Variants in NOX4 observed in about 807,000 individuals in gnomAD.
NOX4 encodes kidney oxidase-1.
In NOX4, 69 loss-of-function variants were observed where a neutral mutation model predicts 87.6. The observed-to-expected ratio is 0.79, with a 90% CI of 0.65 to 0.96. The LOEUF (loss-of-function observed/expected upper bound fraction) is 0.96. Ranked by LOEUF, NOX4 falls within the 40% of genes least tolerant of loss-of-function variation. The probability of loss-of-function intolerance (pLI) is 0.00; values close to 1 mark genes in which losing one functional copy is unlikely to be tolerated. For missense variants in NOX4, 680 were observed against 681.5 expected (o/e 1.00, Z 0.02); for synonymous variants, 275 against 238.2 (o/e 1.15, Z -1.42).
intron 8 of NOX4, among the ~76,000 whole-genome samples, chr11:89,407,539 C>T (rs2135210750): frequency 6.6e-6 from 1 of 152,130 alleles, no homozygotes; most frequent in Admixed American, 6.6e-5. Flanking sequence ...AGGATCTTAA[C>T]ATGTGCTATC....
At chr11:89,351,977 A>G (rs80003878) in intron 13 of NOX4, among the ~76,000 whole-genome samples, 11,161 of 152,210 alleles carry the variant, frequency 0.073, 609 homozygotes, top group Admixed American at 0.14. Context: ...AAAACTGGAG[A>G]CCATTACCCT....
intron 2 of NOX4, among the ~76,000 whole-genome samples, chr11:89,466,602 T>A (rs1945707117): frequency 6.6e-6 from 1 of 152,220 alleles, no homozygotes; most frequent in Admixed American, 6.5e-5. Flanking sequence ...AATCGGCACA[T>A]ATTTTGGGAC....
the NOX4 span, among the ~76,000 whole-genome samples, chr11:89,511,615 C>T: frequency 1.3e-5 from 2 of 151,906 alleles, no homozygotes; most frequent in African/African-American, 4.8e-5. Context: ...AATATCTGTG[C>T]GTCAGAAATA....
At chr11:89,569,264 T>C in the NOX4 span, among the ~76,000 whole-genome samples, 1 of 149,376 alleles carries the variant, frequency 6.7e-6, no homozygotes, top group Non-Finnish European at 1.5e-5. Context: ...ACAGAGTAAA[T>C]TGAAAGAAAC....
rs1461101194 is a variant in NOX4 at position 89,417,109 on chromosome 11, G to A, written c.629+4793C>T. 3.9e-5 allele frequency among the ~76,000 whole-genome samples: 6 copies of A among 152,248 alleles called. No individual in the cohort carries two copies. The East Asian group carries it at 9.7e-4, about 25-fold the overall frequency. On this transcript the variant is annotated intron_variant, in intron 8 of 17. Coordinates refer to ENST00000263317, the MANE Select transcript of NOX4 (RefSeq NM_016931.5). ...CACAGCACTCTCCAAGCTAAAGCCA[G>A]TGGGAGTGTTGACTATGGTAAGACT...
chr11:89,438,902 TA>T (rs1944316869), intron 6 of NOX4, among the ~76,000 whole-genome samples: 6 of 62,084 alleles, frequency 9.7e-5, no homozygotes, highest in African/African-American at 1.2e-4. Flanking sequence ...ATATTATATA[TA>T]TAATATATAA....
chr11:89,463,010 T>C (rs1246524142), intron 2 of NOX4, among the ~76,000 whole-genome samples: 1 of 151,930 alleles, frequency 6.6e-6, no homozygotes, highest in Non-Finnish European at 1.5e-5. Flanking sequence ...TCTAGGTGTA[T>C]GTATGGATAT....
chr11:89,427,939 A>G (rs923813584), intron 7 of NOX4, among the ~76,000 whole-genome samples: 22 of 152,302 alleles, frequency 1.4e-4, no homozygotes, highest in African/African-American at 5.1e-4. Context: ...AAGTTGAAAT[A>G]AAGGAAAAAA....
chr11:89,418,568 T>C (rs1942917147), intron 8 of NOX4, among the ~76,000 whole-genome samples: 1 of 151,588 alleles, frequency 6.6e-6, no homozygotes, highest in Admixed American at 6.6e-5. Context: ...GTTCAGAAAA[T>C]TGAGATCTGA....
chr11:89,586,365 CACA>C, the NOX4 span, among the ~76,000 whole-genome samples: 1 of 152,148 alleles, frequency 6.6e-6, no homozygotes, highest in African/African-American at 2.4e-5. Context: ...TGTTAGTTCT[CACA>C]ACAACTCTGT....
At chr11:89,367,080 T>C (rs1319786364) in intron 12 of NOX4, among the ~76,000 whole-genome samples, 1 of 152,174 alleles carries the variant, frequency 6.6e-6, no homozygotes, top group Non-Finnish European at 1.5e-5. Context: ...TGATTTATTA[T>C]ATTGTGATAG....
chr11:89,355,437 TATAA>T (rs1363159386), intron 12 of NOX4, among the ~76,000 whole-genome samples: 2 of 149,222 alleles, frequency 1.3e-5, no homozygotes, highest in African/African-American at 4.9e-5. Flanking sequence ...ATTTCTCATA[TATAA>T]ATATAAAAAT....
the NOX4 span, among the ~76,000 whole-genome samples, chr11:89,530,301 T>C: frequency 6.6e-6 from 1 of 150,426 alleles, no homozygotes; most frequent in Non-Finnish European, 1.5e-5. Flanking sequence ...CTCTCCATAA[T>C]ACCACATTCT....
the NOX4 span, among the ~76,000 whole-genome samples, chr11:89,539,581 C>T: frequency 6.6e-6 from 1 of 151,784 alleles, no homozygotes; most frequent in East Asian, 1.9e-4. Context: ...TTTTTGCCTT[C>T]CCCTCTCTCT....
chr11:89,349,273 C>T (rs199995709), intron 13 of NOX4, among the ~76,000 whole-genome samples: 14 of 150,462 alleles, frequency 9.3e-5, no homozygotes, highest in Admixed American at 4.6e-4. Flanking sequence ...GGCAACAGAG[C>T]GAGACTCTGT....
At chr11:89,545,931 T>C in the NOX4 span, among the ~76,000 whole-genome samples, 1 of 152,194 alleles carries the variant, frequency 6.6e-6, no homozygotes, top group South Asian at 2.1e-4. Context: ...CTGCATTGTA[T>C]GACTTATGGC....
intron 4 of NOX4, among the ~76,000 whole-genome samples, chr11:89,447,532 G>T (rs1944758687): frequency 6.6e-6 from 1 of 152,126 alleles, no homozygotes; most frequent in Admixed American, 6.6e-5. Flanking sequence ...AAGCAATGTG[G>T]TAGATAGAGT....
chr11:89,465,319 C>A (rs1565326199), intron 2 of NOX4, among the ~76,000 whole-genome samples: 1 of 151,996 alleles, frequency 6.6e-6, no homozygotes. Flanking sequence ...TGAACTCACC[C>A]TTTTTTATGG....
At chr11:89,327,212 G>A (rs113978946) in intron 17 of NOX4, among the ~76,000 whole-genome samples, 1 of 152,126 alleles carries the variant, frequency 6.6e-6, no homozygotes, top group Non-Finnish European at 1.5e-5. Context: ...AGCAGCAATT[G>A]ATAGATGTCA....
Sources: allele counts gnomAD v4.1 joint callset (sites outside exome capture counted in the v4.1 genomes callset), GRCh38; gene constraint gnomAD v4.1.1; transcripts MANE v1.5; gene names NCBI Gene and HGNC (gene_info 2026-07-23, HGNC 2026-07-21).